PCDHGA3: variants seen among roughly 807,000 people sequenced by gnomAD.
PCDHGA3 encodes protocadherin gamma-A3.
In PCDHGA3, 40 loss-of-function variants were observed where a neutral mutation model predicts 58.5. That is an observed-to-expected ratio of 0.68 (90% CI 0.53 to 0.89). PCDHGA3 has a LOEUF of 0.89. Among genes scored for constraint, PCDHGA3 ranks in the 40% least tolerant of loss-of-function variants. PCDHGA3 has a pLI of 0.00. For missense variants in PCDHGA3, 1,223 were observed against 1,195.9 expected, an observed-to-expected ratio of 1.02 and a Z score of -0.33; for synonymous variants, 530 against 525.7, an observed-to-expected ratio of 1.01 and a Z score of -0.11.
rs193229261 is a variant in PCDHGA3, at chr5:141,446,714, G to A, written c.2425-48093G>A. ...GCTGGTCTCGAACTCTGATCTGCCCGCCTCGGCCTCCCAAAGTGTGGGGAT... is the reference window on the plus strand; with the variant it reads ...GCTGGTCTCGAACTCTGATCTGCCCACCTCGGCCTCCCAAAGTGTGGGGAT... On this transcript the variant is annotated intron_variant, in intron 1 of 3. Transcript: ENST00000253812. Among the ~76,000 whole-genome samples the A allele has an allele frequency of 3.3e-3, 497 of 152,154 alleles. 2 individuals are homozygous for A. Among genetic ancestry groups the A allele is most frequent in the African/African-American group, 0.011 (450 of 41,528 alleles).
At chr5:141,393,639 A>G in intron 1 of PCDHGA3, 1 of 1,613,964 alleles carries the variant, frequency 6.2e-7, no homozygotes, top group Non-Finnish European at 8.5e-7. Context: ...AATCAACGGA[A>G]AAGTGGCATA....
intron 1 of PCDHGA3, chr5:141,413,770 G>A: frequency 6.2e-7 from 1 of 1,612,708 alleles, no homozygotes; most frequent in Non-Finnish European, 8.5e-7. Context: ...CCCGGAGCTG[G>A]TACTGGAGCA....
chr5:141,355,284 C>A (rs548905369), intron 1 of PCDHGA3: 4 of 1,613,732 alleles, frequency 2.5e-6, no homozygotes, highest in Non-Finnish European at 1.7e-6. Flanking sequence ...AAATCAGGGC[C>A]GAACAGATTC....
At chr5:141,399,450 C>T in intron 1 of PCDHGA3, 3 of 1,614,018 alleles carry the variant, frequency 1.9e-6, no homozygotes, top group Non-Finnish European at 1.7e-6. Context: ...TCAGAGACGT[C>T]AACGATAACG....
chr5:141,374,656 C>G (rs775346091), intron 1 of PCDHGA3: 1 of 1,612,056 alleles, frequency 6.2e-7, no homozygotes, highest in Non-Finnish European at 8.5e-7. Context: ...GGCCCAAGTA[C>G]CCGGAGCTGG....
chr5:141,400,050 T>C (rs2093950243), intron 1 of PCDHGA3: 2 of 1,613,616 alleles, frequency 1.2e-6, no homozygotes, highest in Non-Finnish European at 1.7e-6. Flanking sequence ...TGCTGGTTGC[T>C]GTGCGTGATG....
intron 1 of PCDHGA3, chr5:141,415,846 G>A: frequency 3.2e-6 from 4 of 1,240,536 alleles, no homozygotes; most frequent in Non-Finnish European, 4.2e-6. Flanking sequence ...TAGCTTTGCA[G>A]AACCTTGTAG....
chr5:141,462,597 T>C (rs182073985), intron 1 of PCDHGA3, among the ~76,000 whole-genome samples: 1 of 152,320 alleles, frequency 6.6e-6, no homozygotes, highest in East Asian at 1.9e-4. Context: ...TTCCATTTCA[T>C]ATATTGTATT....
intron 1 of PCDHGA3, chr5:141,385,540 G>T: frequency 1.5e-6 from 2 of 1,323,840 alleles, no homozygotes; most frequent in Non-Finnish European, 1.9e-6. Context: ...ATGAATATGT[G>T]GACTATCACA....
intron 1 of PCDHGA3, chr5:141,412,862 T>A (rs957973834): frequency 7.5e-5 from 18 of 241,156 alleles, no homozygotes; most frequent in African/African-American, 3.4e-4. Context: ...AAAGAATCTA[T>A]GTAAAATATA....
intron 1 of PCDHGA3, among the ~76,000 whole-genome samples, chr5:141,445,668 G>C (rs899062385): frequency 6.6e-6 from 1 of 152,156 alleles, no homozygotes; most frequent in Non-Finnish European, 1.5e-5. Flanking sequence ...ATGAGTAGAA[G>C]TTATCTAGGT....
intron 1 of PCDHGA3, chr5:141,395,506 G>T: frequency 4.6e-6 from 2 of 433,794 alleles, no homozygotes; most frequent in Non-Finnish European, 8.1e-6. Flanking sequence ...CACTTAAGAA[G>T]TAGCTACCCG....
intron 1 of PCDHGA3, chr5:141,433,145 G>C (rs2097571427): frequency 6.2e-7 from 1 of 1,613,922 alleles, no homozygotes; most frequent in Non-Finnish European, 8.5e-7. Flanking sequence ...GCTGTCAGGT[G>C]ATTCGGTATT....
rs751462834 is a variant in PCDHGA3, at chr5:141,360,533, T to C, written c.2424+14076T>C. The C allele has an allele frequency of 6.2e-6, 10 of 1,613,980 alleles. No homozygotes were observed. In the African/African-American group the frequency reaches 1.3e-4, roughly 22 times the overall value. The stretch of plus-strand genomic sequence containing the variant: ...GATATAAATGATAATACCCCGCTAT[T>C]CAAACAGACTAAGATTAATTTAAAA... On this transcript the variant is annotated intron_variant, in intron 1 of 3. Coordinates refer to ENST00000253812, the MANE Select transcript of PCDHGA3 (RefSeq NM_018916.4).
In PCDHGA3 at chr5:141,345,232, A is replaced by C. The variant is rs1156468389; in HGVS notation, c.1199A>C (p.Gln400Pro). 6.2e-6 allele frequency: 10 copies of C among 1,614,014 alleles called. No homozygotes were observed. The highest frequency in any genetic ancestry group is 1.7e-5 in the Admixed American group (1 of 60,030). The change falls in exon 1 of 4, where the codon CAA becomes CCA. Residue 400 changes from glutamine (Q) to proline (P), a missense_variant. Gln to Pro is a moderately conservative substitution (Grantham distance 76, BLOSUM62 -1). This residue lies in a region of PCDHGA3 where 791 missense variants were observed against 708.5 expected (regional missense o/e 1.12). Transcript: ENST00000253812. ...TTTAAGTTAGAAAAATCAATAGATCAATATTACCGCTTAGTGACGGCCACA... is the reference window on the plus strand; with the variant it reads ...TTTAAGTTAGAAAAATCAATAGATCCATATTACCGCTTAGTGACGGCCACA... ...LPFKLEKSID[Q>P]YYRLVTATSL...
intron 1 of PCDHGA3, chr5:141,414,929 C>T (rs2095802879): frequency 6.2e-7 from 1 of 1,614,152 alleles, no homozygotes; most frequent in Non-Finnish European, 8.5e-7. Context: ...GCGCCCCGCT[C>T]CGCAGAGCCC....
At position 141,477,137 on chromosome 5, in the gene PCDHGA3, G is replaced by A; in HGVS notation, c.2425-17670G>A. 1 of 1,614,200 alleles carries A rather than the reference G, an allele frequency of 6.2e-7. No individual in the cohort carries two copies. The highest frequency in any genetic ancestry group is 8.5e-7 in the Non-Finnish European group (1 of 1,180,050). On this transcript the variant is annotated intron_variant, in intron 1 of 3. Coordinates refer to ENST00000253812, the MANE Select transcript of PCDHGA3 (RefSeq NM_018916.4). The surrounding 1 kb of genome is among the most constrained non-coding windows in gnomAD (Gnocchi z 4.9). ...AGGAGCACATTGCAAAGTGTTGGTG[G>A]AGGTTGTGGATGTGAATGACAACGC...
At position 141,432,881 on chromosome 5, in the gene PCDHGA3, G is replaced by A; in HGVS notation, c.2425-61926G>A. On this transcript the variant is annotated intron_variant, in intron 1 of 3. Coordinates refer to ENST00000253812, the MANE Select transcript of PCDHGA3 (RefSeq NM_018916.4). This position sits in a 1 kb window ranked among gnomAD's most constrained non-coding sequence, Gnocchi z 6.0. ...GGTCTCCTGCGTCTTCCTGGCCTTC[G>A]TCATCTTGCTGCTGGCGCTCAGGCT... 6.2e-7 allele frequency: 1 copy of A among 1,614,170 alleles called. No homozygotes were observed. The highest frequency in any genetic ancestry group is 1.1e-5 in the South Asian group (1 of 91,088).
At chr5:141,420,687 G>T (rs2096517632) in intron 1 of PCDHGA3, among the ~76,000 whole-genome samples, 1 of 152,182 alleles carries the variant, frequency 6.6e-6, no homozygotes, top group South Asian at 2.1e-4. Flanking sequence ...TATCGGGACC[G>T]TATTATTTCC....
Sources: allele counts gnomAD v4.1 joint callset (sites outside exome capture counted in the v4.1 genomes callset), GRCh38; gene constraint gnomAD v4.1.1; regional missense constraint gnomAD v4.1.1; non-coding constraint Gnocchi (gnomAD v3.1); transcripts MANE v1.5; gene names NCBI Gene and HGNC (gene_info 2026-07-23, HGNC 2026-07-21).